Variants in SLC16A3 observed in about 807,000 individuals in gnomAD.
SLC16A3 encodes monocarboxylate transporter 4.
SLC16A3 carries 22 observed loss-of-function variants against 25.0 expected under a neutral mutation model. That is an observed-to-expected ratio of 0.88 (90% CI 0.63 to 1.26). The LOEUF (loss-of-function observed/expected upper bound fraction) is 1.26. Among genes scored for constraint, SLC16A3 ranks in the 50% most tolerant of loss-of-function variants. The pLI, the probability that SLC16A3 is intolerant of heterozygous loss-of-function variation, is 0.00. For missense variants in SLC16A3, 731 were observed against 666.6 expected, an observed-to-expected ratio of 1.10 and a Z score of -1.06; for synonymous variants, 390 against 309.2, an observed-to-expected ratio of 1.26 and a Z score of -2.74.
intron 1 of SLC16A3, chr17:82,231,073 G>C (rs1303520102): frequency 6.6e-6 from 1 of 152,204 alleles, no homozygotes; most frequent in Non-Finnish European, 1.5e-5. Flanking sequence ...GTAGCGTCCA[G>C]TAGGGCGCCT....
chr17:82,223,684 T>A (rs1357887408), upstream of SLC16A3, among the ~76,000 whole-genome samples: 2 of 151,942 alleles, frequency 1.3e-5, no homozygotes, highest in Non-Finnish European at 2.9e-5. Flanking sequence ...GGCTAATTGT[T>A]TGTATTTTTT....
At chr17:82,237,061 G>T (rs1192791489) in intron 3 of SLC16A3, 77 bp from the exon 4 acceptor site, 36 of 1,460,080 alleles carry the variant, frequency 2.5e-5, no homozygotes, top group Non-Finnish European at 3.2e-5. Flanking sequence ...GAGCCTGTGG[G>T]AACCTGGGGG....
chr17:82,231,457 C>T (rs1296326301), intron 1 of SLC16A3: 4 of 152,392 alleles, frequency 2.6e-5, no homozygotes, highest in South Asian at 2.1e-4. Context: ...CCTGACCCGA[C>T]TCCCCTTCCA....
intron 1 of SLC16A3, chr17:82,234,013 T>C (rs1025039445): frequency 2.0e-5 from 3 of 152,108 alleles, no homozygotes; most frequent in Non-Finnish European, 4.4e-5. Flanking sequence ...GCTAATTTTT[T>C]TTATTTTTAG....
At chr17:82,224,043 T>C (rs34774430), upstream of SLC16A3, among the ~76,000 whole-genome samples, 54,921 of 120,108 alleles carry the variant, frequency 0.46, 13,188 homozygotes, top group East Asian at 0.88. Flanking sequence ...GACACAACCC[T>C]ACACCCGTGC....
In SLC16A3 at chr17:82,237,673, C is replaced by T. The variant is rs770529581; in HGVS notation, c.903C>T (p.Ser301=). ...ACTCCGTCTACCTCTTCAGCTTCTC[C>T]ATGTTCTTCAACGGCCTCGCGGACC... ...RPYSVYLFSF[S]MFFNGLADLA... is the part of the protein sequence containing the mutation. Residue 301 remains serine, a synonymous_variant, in exon 4 of 5, where the codon TCC becomes TCT. Coordinates refer to ENST00000582743, the MANE Select transcript of SLC16A3 (RefSeq NM_004207.4). The T allele has an allele frequency of 1.2e-6, 2 of 1,612,942 alleles. No individual in the cohort carries two copies. The highest frequency in any genetic ancestry group is 4.5e-5 in the East Asian group (2 of 44,868).
chr17:82,238,019 G>C, intron 4 of SLC16A3, 126 bp downstream of exon 4: 2 of 1,170,250 alleles, frequency 1.7e-6, no homozygotes, highest in East Asian at 2.5e-5. Context: ...TGGAGGGGGT[G>C]CACTGTGCTG....
intron 1 of SLC16A3, among the ~76,000 whole-genome samples, chr17:82,232,558 G>A (rs1056882320): frequency 1.3e-5 from 2 of 152,220 alleles, no homozygotes; most frequent in African/African-American, 4.8e-5. Context: ...TGGCGTTCCA[G>A]GCCTGTGACG....
In SLC16A3 at chr17:82,237,124, TC is replaced by T; in HGVS notation, c.368-11del. ...CAGCCTTGGGGGGCTCTCACCACAT[TC>T]CCTTTCCTCCAGGGTTGGGTTTGGC... is the stretch of plus-strand genomic sequence containing the variant. On this transcript the variant is annotated splice_polypyrimidine_tract_variant and intron_variant, in intron 3 of 4. Coordinates refer to ENST00000582743, the MANE Select transcript of SLC16A3 (RefSeq NM_004207.4). The T allele has an allele frequency of 6.7e-7, 1 of 1,495,522 alleles. No individual in the cohort carries two copies. The highest frequency in any genetic ancestry group is 8.9e-7 in the Non-Finnish European group (1 of 1,120,816). 92.6% of individuals were successfully genotyped at this position (1,495,522 alleles called of 1,614,324 possible). A position where few individuals can be genotyped will look rare whatever the true frequency, so the allele number is the denominator to read the frequency against.
chr17:82,227,894 A>T (rs1599550710), upstream of SLC16A3, among the ~76,000 whole-genome samples: 1 of 152,136 alleles, frequency 6.6e-6, no homozygotes, highest in African/African-American at 2.4e-5. Flanking sequence ...TAGAAAGAAC[A>T]GGCGGCCTTA....
At chr17:82,229,771 TCA>T (rs1300787640) in intron 1 of SLC16A3, 1 of 152,240 alleles carries the variant, frequency 6.6e-6, no homozygotes. Flanking sequence ...AACCCACGCC[TCA>T]GTTTCCCTAT....
rs764247994 is a variant in SLC16A3 at position 82,236,209 on chromosome 17, G to C, written c.201G>C (p.Leu67=). 11 of 1,612,928 alleles carry C rather than the reference G, an allele frequency of 6.8e-6. No individual in the cohort carries two copies. In the Admixed American group the frequency reaches 1.8e-4, roughly 27 times the overall value. Residue 67 remains leucine (L), a synonymous_variant, in exon 2 of 5, where the codon CTG becomes CTC. Transcript: ENST00000582743. ...ACACAGCCTGGATCTCCTCCATCCT[G>C]CTGGCCATGCTCTACGGGACAGGTG... ...YSDTAWISSI[L]LAMLYGTGPL... is the part of the protein sequence containing the mutation.
chr17:82,237,681 TC>T lies in SLC16A3; in HGVS notation c.912del (p.Phe304LeufsTer58). ...TACCTCTTCAGCTTCTCCATGTTCT[TC>T]AACGGCCTCGCGGACCTGGCGGGTT... is the stretch of plus-strand genomic sequence containing the variant. ...SVYLFSFSMF[F>X]NGLADLAGST... is the part of the protein sequence containing the mutation. On this transcript the variant is annotated frameshift_variant, in exon 4 of 5. Transcript: ENST00000582743. LOFTEE classifies it high-confidence loss of function. 1 of 1,612,842 alleles carries T rather than the reference TC, an allele frequency of 6.2e-7. No individual in the cohort carries two copies. The highest frequency in any genetic ancestry group is 8.5e-7 in the Non-Finnish European group (1 of 1,179,780).
upstream of SLC16A3, among the ~76,000 whole-genome samples, chr17:82,224,107 C>T (rs113855798): frequency 4.7e-5 from 6 of 128,050 alleles, no homozygotes; most frequent in Admixed American, 7.6e-5. Flanking sequence ...CCCCTACACC[C>T]GTGCAGACAC....
Position 82,239,969 on chromosome 17 carries a change from G to T in SLC16A3, c.*993G>T, listed in dbSNP as rs370836789. ...GCTGGGAGCCCGGTCAGAGGCCGCC[G>T]GGGCCCTCAGTAGGTGCGTCGTGGG... On this transcript the variant is annotated 3_prime_UTR_variant, in exon 5 of 5. Coordinates refer to ENST00000582743, the MANE Select transcript of SLC16A3 (RefSeq NM_004207.4). 1.3e-5 allele frequency: 16 copies of T among 1,232,144 alleles called. No homozygotes were observed. Among genetic ancestry groups the T allele is most frequent in the Non-Finnish European group, 1.6e-5 (16 of 986,440 alleles). 76.3% of individuals were successfully genotyped at this position (1,232,144 alleles called of 1,614,324 possible).
At position 82,238,851 on chromosome 17, in the gene SLC16A3, G is replaced by A. The variant is rs760494532; in HGVS notation, c.1273G>A (p.Glu425Lys). 21 of 1,612,428 alleles carry A rather than the reference G, an allele frequency of 1.3e-5. No homozygotes were observed. The highest frequency in any genetic ancestry group is 1.6e-4 in the Middle Eastern group (1 of 6,072). Residue 425 changes from glutamate (E) to lysine (K), a missense_variant, in exon 5 of 5, where the codon GAG (glutamate) becomes AAG (lysine). Coordinates refer to ENST00000582743, the MANE Select transcript of SLC16A3 (RefSeq NM_004207.4). ...KEPQPEVAAA[E>K]EEKLHKPPAD... is the part of the protein sequence containing the mutation. The stretch of plus-strand genomic sequence containing the variant: ...GCCACAGCCTGAGGTGGCGGCCGCG[G>A]AGGAGGAGAAGCTCCACAAGCCTCC...
chr17:82,238,750 C>G lies in SLC16A3; in HGVS notation c.1172C>G (p.Ala391Gly). The change falls in exon 5 of 5, where the codon GCG becomes GGG. Residue 391 changes from alanine (A) to glycine (G), a missense_variant. By Grantham distance (60) the Ala-to-Gly change is moderately conservative. Transcript: ENST00000582743. Reference protein sequence around the residue: ...THVYMYVFILAGAEVLTSSLI... With the variant: ...THVYMYVFILGGAEVLTSSLI... The stretch of plus-strand genomic sequence containing the variant: ...GTCTACATGTACGTGTTCATCCTGG[C>G]GGGGGCCGAGGTGCTCACCTCCTCC... 1.2e-6 allele frequency: 2 copies of G among 1,612,420 alleles called. No individual in the cohort carries two copies. The highest frequency in any genetic ancestry group is 2.2e-5 in the East Asian group (1 of 44,864).
rs766877645 is a variant in SLC16A3 at position 82,237,724 on chromosome 17, C to T, written c.954C>T (p.Tyr318=). Reference sequence around the variant, plus strand: ...TGGCGGGTTCTACGGCGGGCGACTACGGCGGCCTCGTGGTCTTCTGCATCT... The same window carrying T: ...TGGCGGGTTCTACGGCGGGCGACTATGGCGGCCTCGTGGTCTTCTGCATCT... The part of the protein sequence containing the change: ...ADLAGSTAGD[Y]GGLVVFCIFF... The change falls in exon 4 of 5, where the codon TAC becomes TAT. Residue 318 remains tyrosine (Y), a synonymous_variant. Coordinates refer to ENST00000582743, the MANE Select transcript of SLC16A3 (RefSeq NM_004207.4). 29 of 1,612,016 alleles carry T rather than the reference C, an allele frequency of 1.8e-5. No homozygotes were observed. The highest frequency in any genetic ancestry group is 1.8e-4 in the East Asian group (8 of 44,880).
At chr17:82,233,971 G>C (rs1234615406) in intron 1 of SLC16A3, 2 of 152,184 alleles carry the variant, frequency 1.3e-5, no homozygotes, top group African/African-American at 4.8e-5. Flanking sequence ...CTCCCGAGTA[G>C]CTGGGACTAC....
Sources: allele counts gnomAD v4.1 joint callset (sites outside exome capture counted in the v4.1 genomes callset), GRCh38; gene constraint gnomAD v4.1.1; transcripts MANE v1.5; gene names NCBI Gene and HGNC (gene_info 2026-07-23, HGNC 2026-07-21).